Variants in SLFN12 observed in about 807,000 individuals in gnomAD.
SLFN12 encodes the protein ribonuclease SLFN12.
A neutral mutation model predicts 29.1 loss-of-function variants in SLFN12; 25 were observed. The observed-to-expected ratio is 0.86, with a 90% CI of 0.63 to 1.20. The LOEUF (loss-of-function observed/expected upper bound fraction) is 1.20. SLFN12 is among the 50% of genes most tolerant of loss of function. The pLI is 0.00. For missense variants in SLFN12, 660 were observed against 666.2 expected (o/e 0.99, Z 0.10); for synonymous variants, 257 against 238.7 (o/e 1.08, Z -0.71).
intron 3 of SLFN12, among the ~76,000 whole-genome samples, chr17:35,417,301 T>C (rs977846621): frequency 6.6e-6 from 1 of 152,138 alleles, no homozygotes; most frequent in South Asian, 2.1e-4. Flanking sequence ...CATTTAATCA[T>C]GTCAACAGGA....
In SLFN12 at chr17:35,417,112, T is replaced by C. The variant is rs187205295; in HGVS notation, c.1147+3162A>G. Among the ~76,000 whole-genome samples the C allele has an allele frequency of 9.3e-4, 141 of 152,210 alleles. 1 individual carries two copies. Among genetic ancestry groups the C allele is most frequent in the Non-Finnish European group, 2.1e-4 (14 of 68,010 alleles). ...TACTAGACAAAGAAAGAGAGAAAAC[T>C]ATTCTTAGACCTTGTCACTCATGGA... On this transcript the variant is annotated intron_variant, in intron 3 of 3. Coordinates refer to ENST00000304905, the MANE Select transcript of SLFN12 (RefSeq NM_018042.5).
At position 35,425,078 on chromosome 17, in the gene SLFN12, A is replaced by G. The variant is rs146013566; in HGVS notation, c.-40-2010T>C. Among the ~76,000 whole-genome samples the G allele has an allele frequency of 2.0e-5, 3 of 152,172 alleles. No individual in the cohort carries two copies. The East Asian group carries it at 5.8e-4, about 29-fold the overall frequency. On this transcript the variant is annotated intron_variant, in intron 1 of 3. Coordinates refer to ENST00000304905, the MANE Select transcript of SLFN12 (RefSeq NM_018042.5). The stretch of plus-strand genomic sequence containing the variant: ...TGAAGTGGGAGGATCACTTGAAGCC[A>G]AGAGTTCAAGACCAGCCTAGACAAC...
chr17:35,422,348 A>G lies in SLFN12; in HGVS notation c.681T>C (p.Ser227=), dbSNP rs1027304171. The change falls in exon 2 of 4, where the codon TCT becomes TCC. Residue 227 remains serine (S), a synonymous_variant. Transcript: ENST00000304905. ...ATCCTCCATCAGTATTTGCAAATGC[A>G]GAAACATATTGAGGGAGAATCTCTT... is the stretch of plus-strand genomic sequence containing the variant. ...RIKEILPQYV[S]AFANTDGGYL... 2 of 1,613,868 alleles carry G rather than the reference A, an allele frequency of 1.2e-6. No individual in the cohort carries two copies. Among genetic ancestry groups the G allele is most frequent in the African/African-American group, 2.7e-5 (2 of 74,936 alleles).
In SLFN12 at chr17:35,410,975, G is replaced by A; in HGVS notation, c.*363C>T. 1 of 155,832 alleles carries A rather than the reference G, an allele frequency of 6.4e-6. No individual in the cohort carries two copies. The highest frequency in any genetic ancestry group is 1.4e-5 in the Non-Finnish European group (1 of 70,724). The allele number at this position is 155,832 out of a possible 1,614,324, so 9.7% of individuals were successfully genotyped here. On this transcript the variant is annotated 3_prime_UTR_variant, in exon 4 of 4. Transcript: ENST00000304905. ...CTGTGGAAATTCTGAGTTTCATCAA[G>A]GATAATCTTTTGTAAGTTATAATTG...
chr17:35,426,329 T>C (rs1827091880), intron 1 of SLFN12, among the ~76,000 whole-genome samples: 1 of 152,140 alleles, frequency 6.6e-6, no homozygotes, highest in Non-Finnish European at 1.5e-5. Context: ...TTTGCTTTCA[T>C]TGCCTGTCCG....
rs760210167 is a variant in SLFN12 at position 35,422,732 on chromosome 17, A to G, written c.297T>C (p.Asn99=). ...FVPEYLDFMQ[N]GNYFLIFVKS... ...TCACAAAAATCAGAAAGTAGTTACCATTCTGCATGAAGTCTAAGTACTCAG... is the reference window on the plus strand; with the variant it reads ...TCACAAAAATCAGAAAGTAGTTACCGTTCTGCATGAAGTCTAAGTACTCAG... The change falls in exon 2 of 4, where the codon AAT becomes AAC. Residue 99 remains asparagine (N), a synonymous_variant. Coordinates refer to ENST00000304905, the MANE Select transcript of SLFN12 (RefSeq NM_018042.5). 6.2e-7 allele frequency: 1 copy of G among 1,614,092 alleles called. No homozygotes were observed. Among genetic ancestry groups the G allele is most frequent in the Non-Finnish European group, 8.5e-7 (1 of 1,179,964 alleles).
At chr17:35,421,255 A>ATAG (rs1555611018) in intron 2 of SLFN12, among the ~76,000 whole-genome samples, 19 of 146,822 alleles carry the variant, frequency 1.3e-4, no homozygotes, top group African/African-American at 3.0e-4. Flanking sequence ...TAAATAAATA[A>ATAG]ATAGAAAGGG....
rs773244727 is a variant in SLFN12, at chr17:35,422,356, A to G, written c.673T>C (p.Tyr225His). ...TCAGTATTTGCAAATGCAGAAACAT[A>G]TTGAGGGAGAATCTCTTTAATTCGT... ...LQRIKEILPQ[Y>H]VSAFANTDGG... The change falls in exon 2 of 4, where the codon TAT becomes CAT. Residue 225 changes from tyrosine (Y) to histidine (H), a missense_variant. By Grantham distance (83) the Tyr-to-His change is moderately conservative. Transcript: ENST00000304905. 36 of 1,613,916 alleles carry G rather than the reference A, an allele frequency of 2.2e-5. 1 individual carries two copies. Among genetic ancestry groups the G allele is most frequent in the Middle Eastern group, 3.3e-4 (2 of 6,078 alleles).
chr17:35,422,842 T>C lies in SLFN12; in HGVS notation c.187A>G (p.Ile63Val), dbSNP rs1201091178. 1 of 1,613,988 alleles carries C rather than the reference T, an allele frequency of 6.2e-7. No individual in the cohort carries two copies. The change falls in exon 2 of 4, where the codon ATT (isoleucine) becomes GTT (valine). Residue 63 changes from isoleucine to valine, a missense_variant. Coordinates refer to ENST00000304905, the MANE Select transcript of SLFN12 (RefSeq NM_018042.5). ...GTATAACTATAGTCTTCATTCTCAATTTCAGCCTTGATCACTCCCCCTCCA... is the reference window on the plus strand; with the variant it reads ...GTATAACTATAGTCTTCATTCTCAACTTCAGCCTTGATCACTCCCCCTCCA... Reference protein sequence around the residue: ...NSGGGVIKAEIENEDYSYTKD... With the variant: ...NSGGGVIKAEVENEDYSYTKD...
intron 1 of SLFN12, 92 bp from the exon 2 acceptor site, chr17:35,423,160 G>C (rs1006527686): frequency 7.9e-6 from 11 of 1,390,866 alleles, no homozygotes; most frequent in Non-Finnish European, 1.0e-5. Context: ...ATCCTGTGCT[G>C]TATATATTCT....
Position 35,420,275 on chromosome 17 carries a change from T to C in SLFN12, c.1146A>G (p.Pro382=), listed in dbSNP as rs762549453. The C allele has an allele frequency of 1.9e-6, 3 of 1,607,074 alleles. No homozygotes were observed. Among genetic ancestry groups the C allele is most frequent in the Non-Finnish European group, 1.7e-6 (2 of 1,174,016 alleles). Residue 382 remains proline, a splice_region_variant and synonymous_variant, in exon 3 of 4, where the codon CCA becomes CCG. Transcript: ENST00000304905. ...CCGAAGAAGCCAGAATGAAATTACC[T>C]GGACAGTGATGTCTCTGCCGTTGCC... The part of the protein sequence containing the change: ...LEWQRQRHHC[P]GLSGRITYTP...
chr17:35,426,169 G>C (rs764960696), intron 1 of SLFN12, among the ~76,000 whole-genome samples: 70 of 150,796 alleles, frequency 4.6e-4, no homozygotes, highest in African/African-American at 1.6e-3. Context: ...GAGTTGTTTG[G>C]GTTTCTTATA....
At chr17:35,417,199 A>C (rs535908508) in intron 3 of SLFN12, among the ~76,000 whole-genome samples, 1 of 152,144 alleles carries the variant, frequency 6.6e-6, no homozygotes, top group African/African-American at 2.4e-5. Context: ...AAAAAAGATA[A>C]TACTGCAAGA....
chr17:35,428,410 G>A (rs566076767), intron 1 of SLFN12, among the ~76,000 whole-genome samples: 14 of 152,170 alleles, frequency 9.2e-5, no homozygotes, highest in African/African-American at 3.4e-4. Context: ...AGAGGATGTG[G>A]TCTAAAAGCT....
intron 1 of SLFN12, among the ~76,000 whole-genome samples, chr17:35,431,705 A>T (rs1469534771): frequency 6.6e-6 from 1 of 152,074 alleles, no homozygotes; most frequent in African/African-American, 2.4e-5. Context: ...GAAGGCCTTG[A>T]CTTCTAGCAT....
rs769212327 is a variant in SLFN12 at position 35,411,433 on chromosome 17, A to T, written c.1642T>A (p.Phe548Ile). The T allele has an allele frequency of 9.3e-6, 15 of 1,612,318 alleles. No individual in the cohort carries two copies. In the South Asian group the frequency reaches 1.4e-4, roughly 15 times the overall value. Residue 548 changes from phenylalanine (F) to isoleucine (I), a missense_variant, in exon 4 of 4, where the codon TTT (phenylalanine) becomes ATT (isoleucine). Transcript: ENST00000304905. ...TGGTATAGATTTTCTGCAAAGGAAA[A>T]CTGGTCTCTCAGAGACTTGAGTCTC... ...LKRLKSLRDQ[F>I]SFAENLYQII...
chr17:35,411,652 G>A lies in SLFN12; in HGVS notation c.1423C>T (p.Leu475=), dbSNP rs1597757528. ...TTTGCCAGCTTCTGCTTTAAGGTTA[G>A]GGCAGTTTGTGTAGAATAGCCTTTA... The part of the protein sequence containing the change: ...EFKGYSTQTA[L]TLKQKLAKIG... The change falls in exon 4 of 4, where the codon CTA becomes TTA. Residue 475 remains leucine, a synonymous_variant. Coordinates refer to ENST00000304905, the MANE Select transcript of SLFN12 (RefSeq NM_018042.5). 6.2e-7 allele frequency: 1 copy of A among 1,614,002 alleles called. No individual in the cohort carries two copies. Among genetic ancestry groups the A allele is most frequent in the Non-Finnish European group, 8.5e-7 (1 of 1,179,982 alleles).
At chr17:35,420,094 A>G (rs1222379801) in intron 3 of SLFN12, among the ~76,000 whole-genome samples, 180 bp downstream of exon 3, 1 of 152,188 alleles carries the variant, frequency 6.6e-6, no homozygotes, top group Non-Finnish European at 1.5e-5. Flanking sequence ...GCACCAAGAA[A>G]ATTCTAACCC....
chr17:35,421,262 A>G (rs1186371139), intron 2 of SLFN12, among the ~76,000 whole-genome samples: 1 of 151,030 alleles, frequency 6.6e-6, no homozygotes, highest in African/African-American at 2.4e-5. Flanking sequence ...ATAAATAGAA[A>G]GGGGACAAGA....
Sources: allele counts gnomAD v4.1 joint callset (sites outside exome capture counted in the v4.1 genomes callset), GRCh38; gene constraint gnomAD v4.1.1; transcripts MANE v1.5; gene names NCBI Gene and HGNC (gene_info 2026-07-23, HGNC 2026-07-21).